TYROBP: variants seen among roughly 807,000 people sequenced by gnomAD.
TYROBP encodes the protein TYRO protein tyrosine kinase-binding protein.
In TYROBP, 14 loss-of-function variants were observed where a neutral mutation model predicts 17.1. The observed-to-expected ratio is 0.82, with a 90% CI of 0.54 to 1.28. The LOEUF is 1.28. TYROBP is among the 50% of genes most tolerant of loss of function. TYROBP has a pLI of 0.00. For synonymous variants in TYROBP, 73 were observed against 67.4 expected, an observed-to-expected ratio of 1.08 and a Z score of -0.41; for missense variants, 161 against 151.4, an observed-to-expected ratio of 1.06 and a Z score of -0.33.
In TYROBP at chr19:35,904,633, TC is replaced by T; in HGVS notation, c.277del (p.Glu93SerfsTer26). The T allele has an allele frequency of 6.2e-7, 1 of 1,612,414 alleles. No individual in the cohort carries two copies. The highest frequency in any genetic ancestry group is 1.1e-5 in the South Asian group (1 of 90,600). ...GACATCCGACCTCTGACCCTGGAGC[TC>T]CTAAAGGAATGGGGGCCATCAGTGG... ...RITETESPYQELQGQRSDVYS... is the reference protein window; with the variant it reads ...RITETESPYQXLQGQRSDVYS... On this transcript the variant is annotated frameshift_variant and splice_region_variant, in exon 5 of 5. Coordinates refer to ENST00000262629, the MANE Select transcript of TYROBP (RefSeq NM_003332.4). LOFTEE classifies it high-confidence loss of function.
intron 4 of TYROBP, among the ~76,000 whole-genome samples, chr19:35,905,789 CTAAAAATACAAAAA>C (rs1397804563): frequency 1.3e-5 from 2 of 151,742 alleles, no homozygotes; most frequent in Non-Finnish European, 2.9e-5. Context: ...CCCATCTCTA[CTAAAAATACAAAAA>C]TTAGCCGGGT....
At position 35,907,200 on chromosome 19, in the gene TYROBP, A is replaced by C; in HGVS notation, c.276+18T>G. On this transcript the variant is annotated intron_variant, in intron 4 of 4. Coordinates refer to ENST00000262629, the MANE Select transcript of TYROBP (RefSeq NM_003332.4). The stretch of plus-strand genomic sequence containing the variant: ...CTGGCAGGAGTGAAATGTGAGGAGG[A>C]CAGTCTGGTTTTCTCACCTGATAAG... 1 of 1,594,052 alleles carries C rather than the reference A, an allele frequency of 6.3e-7. No individual in the cohort carries two copies. The highest frequency in any genetic ancestry group is 1.1e-5 in the South Asian group (1 of 88,272).
intron 4 of TYROBP, 77 bp from the exon 5 acceptor site, chr19:35,904,711 C>T: frequency 7.4e-7 from 1 of 1,351,374 alleles, no homozygotes; most frequent in African/African-American, 1.4e-5. Context: ...TGCAAGGCCC[C>T]TGGCAGCTTC....
rs1975760669 is a variant in TYROBP at position 35,907,593 on chromosome 19, G to C, written c.95-13C>G. 6.2e-7 allele frequency: 1 copy of C among 1,613,908 alleles called. No homozygotes were observed. The highest frequency in any genetic ancestry group is 1.7e-5 in the Admixed American group (1 of 59,984). ...GAGCAACTGCAATCTGCAGCACAGG[G>C]GTCAGGGGAGGTCAGTGTGTGCTGG... On this transcript the variant is annotated splice_polypyrimidine_tract_variant and intron_variant, in intron 2 of 4. Coordinates refer to ENST00000262629, the MANE Select transcript of TYROBP (RefSeq NM_003332.4).
At chr19:35,908,048 G>A in intron 1 of TYROBP, 120 bp downstream of exon 1, 1 of 927,132 alleles carries the variant, frequency 1.1e-6, no homozygotes, top group Non-Finnish European at 1.7e-6. Context: ...GCTTTGGGAG[G>A]TTGGGGACCT....
intron 4 of TYROBP, among the ~76,000 whole-genome samples, chr19:35,906,656 GC>G (rs1242781140): frequency 6.6e-6 from 1 of 151,856 alleles, no homozygotes; most frequent in Non-Finnish European, 1.5e-5. Flanking sequence ...AAAATTCCTG[GC>G]CTGACTTCTG....
Position 35,907,444 on chromosome 19 carries a change from ACCCTCCGCAGC to A in TYROBP, c.220_229+1del. 6.2e-7 allele frequency: 1 copy of A among 1,606,684 alleles called. No homozygotes were observed. The highest frequency in any genetic ancestry group is 8.5e-7 in the Non-Finnish European group (1 of 1,178,300). ...AGGATGTCCCCTGCTAGCCCCACTC[ACCCTCCGCAGC>A]CCCTCGCCCCCGAGGGACCAGCCGG... On this transcript the variant is annotated splice_donor_variant and coding_sequence_variant, in exon 3 of 5. Transcript: ENST00000262629. LOFTEE classifies it high-confidence loss of function.
At chr19:35,907,819 G>T in intron 1 of TYROBP, 57 bp from the exon 2 acceptor site, 1 of 1,588,868 alleles carries the variant, frequency 6.3e-7, no homozygotes, top group Non-Finnish European at 8.6e-7. Context: ...GGTGGGGGAG[G>T]CAAGTTTAGA....
Position 35,907,734 on chromosome 19 carries a change from C to T in TYROBP, c.90G>A (p.Gln30=). ...GACTGCTGGGTCTAGGCCTACCGCT[C>T]TGGGCCTGGGCCTGGACAGGACGGA... is the stretch of plus-strand genomic sequence containing the variant. ...SGLRPVQAQA[Q]SDCSCSTVSP... is the part of the protein sequence containing the mutation. Residue 30 remains glutamine, a synonymous_variant, in exon 2 of 5, where the codon CAG becomes CAA. Transcript: ENST00000262629. 2 of 1,613,978 alleles carry T rather than the reference C, an allele frequency of 1.2e-6. No individual in the cohort carries two copies. Among genetic ancestry groups the T allele is most frequent in the Non-Finnish European group, 1.7e-6 (2 of 1,180,004 alleles).
chr19:35,907,382 T>C, intron 3 of TYROBP, 64 bp downstream of exon 3: 1 of 1,603,448 alleles, frequency 6.2e-7, no homozygotes, highest in East Asian at 2.2e-5. Flanking sequence ...GATCTGGGAG[T>C]TTACCCAGCC....
chr19:35,907,837 G>A, intron 1 of TYROBP, 75 bp from the exon 2 acceptor site: 1 of 1,519,834 alleles, frequency 6.6e-7, no homozygotes, highest in Non-Finnish European at 9.1e-7. Context: ...AGAAGCCAGG[G>A]AAGGTGGATC....
rs141918323 is a variant in TYROBP, at chr19:35,907,063, C to T, written c.276+155G>A. ...GACCATAAGCTTGTGGTTGATCATT[C>T]GGCCCAGTTTTGGACAGATGTCCCA... On this transcript the variant is annotated intron_variant, in intron 4 of 4. Coordinates refer to ENST00000262629, the MANE Select transcript of TYROBP (RefSeq NM_003332.4). Among the ~76,000 whole-genome samples, 32 of 152,222 alleles carry T rather than the reference C, an allele frequency of 2.1e-4. No homozygotes were observed. The East Asian group carries it at 5.2e-3, about 25-fold the overall frequency.
At chr19:35,907,333 C>T (rs1975749519) in intron 3 of TYROBP, 69 bp from the exon 4 acceptor site, 1 of 1,607,662 alleles carries the variant, frequency 6.2e-7, no homozygotes, top group South Asian at 1.1e-5. Flanking sequence ...TTTGTCATTC[C>T]AAATCAGCAC....
chr19:35,906,290 C>T (rs1450618654), intron 4 of TYROBP, among the ~76,000 whole-genome samples: 4 of 152,010 alleles, frequency 2.6e-5, no homozygotes, highest in African/African-American at 9.7e-5. Context: ...GGGGTTTCAC[C>T]ATCCTGGCCT....
At chr19:35,906,733 G>C (rs1290648083) in intron 4 of TYROBP, among the ~76,000 whole-genome samples, 3 of 139,304 alleles carry the variant, frequency 2.2e-5, no homozygotes, top group African/African-American at 9.0e-5. Context: ...AACTCTTCAC[G>C]CTTTTTTTTT....
intron 4 of TYROBP, among the ~76,000 whole-genome samples, chr19:35,905,088 CACTTA>C (rs1169783539): frequency 6.6e-6 from 1 of 152,172 alleles, no homozygotes; most frequent in African/African-American, 2.4e-5. Context: ...CAGCATTTAG[CACTTA>C]TAGGTGCTAG....
In TYROBP at chr19:35,907,255, C is replaced by T. The variant is rs780380872; in HGVS notation, c.239G>A (p.Arg80Gln). 1.1e-5 allele frequency: 18 copies of T among 1,609,278 alleles called. No homozygotes were observed. In the South Asian group the frequency reaches 1.3e-4, roughly 12 times the overall value. The change falls in exon 4 of 5, where the codon CGG becomes CAG. Residue 80 changes from arginine to glutamine, a missense_variant. Transcript: ENST00000262629. ...RGRGAAEAAT[R>Q]KQRITETESP... Reference sequence around the variant, plus strand: ...CTCGGTCTCAGTGATACGCTGTTTCCGGGTCGCTGCTGGAGGTGAGGGGTG... The same window carrying T: ...CTCGGTCTCAGTGATACGCTGTTTCTGGGTCGCTGCTGGAGGTGAGGGGTG...
chr19:35,908,143 G>C, intron 1 of TYROBP, 25 bp downstream of exon 1: 4 of 1,610,032 alleles, frequency 2.5e-6, no homozygotes, highest in Non-Finnish European at 3.4e-6. Context: ...GACCCGGGAG[G>C]CAGCCACGGA....
chr19:35,907,841 G>A (rs1975769244), intron 1 of TYROBP, 79 bp from the exon 2 acceptor site: 16 of 1,501,964 alleles, frequency 1.1e-5, no homozygotes, highest in Non-Finnish European at 1.5e-5. Context: ...GCCAGGGAAG[G>A]TGGATCCTGA....
Sources: allele counts gnomAD v4.1 joint callset (sites outside exome capture counted in the v4.1 genomes callset), GRCh38; gene constraint gnomAD v4.1.1; transcripts MANE v1.5; gene names NCBI Gene and HGNC (gene_info 2026-07-23, HGNC 2026-07-21).